ART1: variants seen among roughly 807,000 people sequenced by gnomAD.
The protein encoded by ART1 is ADP-ribosyltransferase 1, also known as GPI-linked NAD(P)(+)--arginine ADP-ribosyltransferase 1.
In ART1, 29 loss-of-function variants were observed where a neutral mutation model predicts 27.0. The ratio of observed to expected loss-of-function variants is 1.08; its 90% CI spans 0.80 to 1.47. The LOEUF is 1.47. Among genes scored for constraint, ART1 ranks in the 40% most tolerant of loss-of-function variants. The pLI, the probability that ART1 is intolerant of heterozygous loss-of-function variation, is 0.00. For synonymous variants in ART1, 201 were observed against 172.2 expected (o/e 1.17, Z -1.31); for missense variants, 480 against 423.0 (o/e 1.13, Z -1.18).
Position 3,664,227 on chromosome 11 carries a change from C to A in ART1, c.*38C>A, listed in dbSNP as rs1161716177. Reference sequence around the variant, plus strand: ...GGGACAGCCTCGCCTGCTGCCTCTGCCCATCCTGAGGATGTTGGCCATGTG... The same window carrying A: ...GGGACAGCCTCGCCTGCTGCCTCTGACCATCCTGAGGATGTTGGCCATGTG... On this transcript the variant is annotated 3_prime_UTR_variant, in exon 5 of 5. Coordinates refer to ENST00000250693, the MANE Select transcript of ART1 (RefSeq NM_004314.3). 2 of 1,583,356 alleles carry A rather than the reference C, an allele frequency of 1.3e-6. No individual in the cohort carries two copies. The highest frequency in any genetic ancestry group is 1.7e-6 in the Non-Finnish European group (2 of 1,154,724).
At chr11:3,653,289 A>G (rs1424923968) in intron 1 of ART1, among the ~76,000 whole-genome samples, 1 of 148,838 alleles carries the variant, frequency 6.7e-6, no homozygotes, top group Non-Finnish European at 1.5e-5. Context: ...ATACACATCC[A>G]GATGGCCGGT....
At chr11:3,646,418 G>A (rs1389487912) in intron 1 of ART1, among the ~76,000 whole-genome samples, 3 of 152,170 alleles carry the variant, frequency 2.0e-5, no homozygotes, top group African/African-American at 7.2e-5. Flanking sequence ...ACACCCAGGG[G>A]ACCATCATGG....
intron 1 of ART1, among the ~76,000 whole-genome samples, chr11:3,647,114 A>G (rs1412977444): frequency 6.6e-6 from 1 of 152,190 alleles, no homozygotes; most frequent in African/African-American, 2.4e-5. Context: ...ACCTGAGGTC[A>G]GGAATTTGAG....
At chr11:3,658,899 C>A (rs2077595321) in intron 1 of ART1, among the ~76,000 whole-genome samples, 1 of 152,168 alleles carries the variant, frequency 6.6e-6, no homozygotes, top group Admixed American at 6.5e-5. Context: ...TCCTGCTGCA[C>A]AAAAGTCCTT....
intron 1 of ART1, among the ~76,000 whole-genome samples, chr11:3,655,873 C>T (rs1489499648): frequency 1.3e-5 from 2 of 151,192 alleles, no homozygotes; most frequent in African/African-American, 2.4e-5. Context: ...GAACTAGTAA[C>T]AGCAGCTCTA....
intron 1 of ART1, among the ~76,000 whole-genome samples, chr11:3,645,503 C>T (rs548043616): frequency 6.6e-6 from 1 of 152,166 alleles, no homozygotes; most frequent in Non-Finnish European, 1.5e-5. Flanking sequence ...GCATCCCCAG[C>T]TCCTTGGGCC....
At chr11:3,659,475 T>C in intron 2 of ART1, 108 bp from the exon 3 acceptor site, 2 of 1,395,128 alleles carry the variant, frequency 1.4e-6, no homozygotes, top group Non-Finnish European at 9.7e-7. Context: ...CCACCAGGTG[T>C]GTTTGGGGCC....
At chr11:3,650,353 G>C (rs2077510219) in intron 1 of ART1, among the ~76,000 whole-genome samples, 2 of 152,174 alleles carry the variant, frequency 1.3e-5, no homozygotes, top group African/African-American at 2.4e-5. Flanking sequence ...CTGGAACTCT[G>C]GCCCAAGGCT....
intron 1 of ART1, among the ~76,000 whole-genome samples, chr11:3,650,576 G>A (rs530789289): frequency 7.9e-5 from 12 of 152,174 alleles, no homozygotes; most frequent in African/African-American, 2.9e-4. Flanking sequence ...TTCCATAACT[G>A]TTGTGGGTAT....
At position 3,659,637 on chromosome 11, in the gene ART1, G is replaced by A. The variant is rs1385811196; in HGVS notation, c.118G>A (p.Asp40Asn). The change falls in exon 3 of 5, where the codon GAC (aspartate) becomes AAC (asparagine). Residue 40 changes from aspartate (D) to asparagine (N), a missense_variant. Coordinates refer to ENST00000250693, the MANE Select transcript of ART1 (RefSeq NM_004314.3). ...CCTCTTCTCTCAAGAGATTCAGCTG[G>A]ACATGGCCCTGGCCTCCTTTGATGA... ...RDLFSQEIQL[D>N]MALASFDDQY... 1 of 1,613,236 alleles carries A rather than the reference G, an allele frequency of 6.2e-7. No homozygotes were observed. The highest frequency in any genetic ancestry group is 1.7e-5 in the Admixed American group (1 of 59,996).
intron 1 of ART1, among the ~76,000 whole-genome samples, chr11:3,648,636 C>T (rs1370385104): frequency 2.0e-5 from 3 of 152,206 alleles, no homozygotes; most frequent in African/African-American, 7.2e-5. Flanking sequence ...GCGCCGGTCA[C>T]GGACTGGGAA....
At chr11:3,657,301 G>A (rs781395623) in intron 1 of ART1, among the ~76,000 whole-genome samples, 20 of 152,168 alleles carry the variant, frequency 1.3e-4, no homozygotes, top group Non-Finnish European at 2.4e-4. Flanking sequence ...GAGGCTGGGA[G>A]CTGTGGCTCA....
At chr11:3,649,826 A>G (rs12798645) in intron 1 of ART1, among the ~76,000 whole-genome samples, 1 of 152,148 alleles carries the variant, frequency 6.6e-6, no homozygotes, top group Non-Finnish European at 1.5e-5. Context: ...AGGCTTTTTC[A>G]TCAAATAAGA....
At position 3,660,024 on chromosome 11, in the gene ART1, C is replaced by T; in HGVS notation, c.505C>T (p.Gln169Ter). 1 of 1,613,888 alleles carries T rather than the reference C, an allele frequency of 6.2e-7. No individual in the cohort carries two copies. The highest frequency in any genetic ancestry group is 8.5e-7 in the Non-Finnish European group (1 of 1,179,948). The stretch of plus-strand genomic sequence containing the variant: ...GGCCCTGCAGCTCCTGGGCAGCGGC[C>T]AGCGTCCACCCCGGTGCCACCAGGT... ...TEALQLLGSG[Q>*]RPPRCHQVFR... The change falls in exon 3 of 5, where the codon CAG becomes TAG. Residue 169 changes from glutamine (Q) to a stop codon, truncating the protein, a stop_gained. Coordinates refer to ENST00000250693, the MANE Select transcript of ART1 (RefSeq NM_004314.3). LOFTEE classifies it high-confidence loss of function.
At chr11:3,647,318 C>G (rs2077476496) in intron 1 of ART1, among the ~76,000 whole-genome samples, 3 of 133,798 alleles carry the variant, frequency 2.2e-5, no homozygotes, top group Admixed American at 2.2e-4. Context: ...AAAACTCCGT[C>G]TCAAAAAAAA....
chr11:3,646,940 C>T (rs61878501), intron 1 of ART1, among the ~76,000 whole-genome samples: 25,293 of 152,122 alleles, frequency 0.17, 2,758 homozygotes, highest in African/African-American at 0.31. Flanking sequence ...CAATAAGGCA[C>T]TGTGCACTTA....
At chr11:3,654,718 G>A (rs2077555287) in intron 1 of ART1, among the ~76,000 whole-genome samples, 4 of 68,716 alleles carry the variant, frequency 5.8e-5, no homozygotes, top group Non-Finnish European at 1.1e-4. Context: ...ATCAAGTCTT[G>A]TAAATTCCAC....
In ART1 at chr11:3,654,848, G is replaced by A. The variant is rs573694320; in HGVS notation, c.-52-4314G>A. 2.6e-5 allele frequency among the ~76,000 whole-genome samples: 4 copies of A among 152,272 alleles called. No homozygotes were observed. In the South Asian group the frequency reaches 6.2e-4, roughly 24 times the overall value. On this transcript the variant is annotated intron_variant, in intron 1 of 4. Transcript: ENST00000250693. ...TCTTACTCAGGTCCACTAATTCCAT[G>A]TCCTCAGTCTGCCTTCAAGCCTCTC... is the stretch of plus-strand genomic sequence containing the variant.
intron 1 of ART1, among the ~76,000 whole-genome samples, chr11:3,650,888 C>T (rs957164580): frequency 2.9e-5 from 4 of 138,810 alleles, no homozygotes; most frequent in African/African-American, 7.6e-5. Context: ...CCTTACCATC[C>T]CATTAAAACC....
Sources: gnomAD v4.1 joint callset for allele counts (sites outside exome capture counted in the v4.1 genomes callset) on GRCh38, gnomAD v4.1.1 for gene constraint, MANE v1.5 for transcripts, NCBI Gene and HGNC (gene_info 2026-07-23, HGNC 2026-07-21) for gene names.